Variants in RBFOX1 observed in about 807,000 individuals in gnomAD.
RBFOX1 encodes RNA binding fox-1 homolog 1, also known as RNA binding protein fox-1 homolog 1.
Under a neutral mutation model 57.7 loss-of-function variants are expected in RBFOX1, and 8 were observed. The observed-to-expected ratio is 0.14, with a 90% CI of 0.08 to 0.25. The LOEUF is 0.25. RBFOX1 is among the 10% of genes least tolerant of loss of function. RBFOX1 has a pLI of 1.00. For missense variants in RBFOX1, 611 were observed against 548.5 expected (o/e 1.11, Z -1.14); for synonymous variants, 326 against 222.4 (o/e 1.47, Z -4.15).
intron 4 of RBFOX1, among the ~76,000 whole-genome samples, chr16:5,953,509 G>A (rs891930540): frequency 5.3e-5 from 8 of 151,736 alleles, no homozygotes; most frequent in East Asian, 1.9e-4. Flanking sequence ...CTTTCCCCCC[G>A]AGTCCCCAAA....
chr16:5,603,876 A>G (rs2047458294), downstream of RBFOX1, among the ~76,000 whole-genome samples: 1 of 152,212 alleles, frequency 6.6e-6, no homozygotes, highest in Admixed American at 6.5e-5. Context: ...GATGCTGTCC[A>G]GCGTAAGAAC....
At chr16:7,102,083 A>T (rs1339655094) in intron 4 of RBFOX1, among the ~76,000 whole-genome samples, 1 of 152,060 alleles carries the variant, frequency 6.6e-6, no homozygotes, top group African/African-American at 2.4e-5. Flanking sequence ...TGCTTTTTCT[A>T]ACTCACAACC....
chr16:7,138,574 C>A (rs1290292047), intron 4 of RBFOX1, among the ~76,000 whole-genome samples: 3 of 152,156 alleles, frequency 2.0e-5, no homozygotes, highest in Non-Finnish European at 2.9e-5. Flanking sequence ...TTATCCTCAT[C>A]CCCACTTTTC....
chr16:6,498,643 C>T (rs1162760117), intron 2 of RBFOX1, among the ~76,000 whole-genome samples: 1 of 152,024 alleles, frequency 6.6e-6, no homozygotes, highest in Non-Finnish European at 1.5e-5. Context: ...CAATGTCTGC[C>T]CATATTAAGG....
At chr16:6,743,135 T>C (rs979193743) in intron 3 of RBFOX1, among the ~76,000 whole-genome samples, 4 of 152,214 alleles carry the variant, frequency 2.6e-5, no homozygotes, top group Non-Finnish European at 4.4e-5. Context: ...ATTTGCCTTT[T>C]ATAGTGTTAC....
chr16:7,446,608 G>A (rs912611883), intron 4 of RBFOX1, among the ~76,000 whole-genome samples: 3 of 151,992 alleles, frequency 2.0e-5, no homozygotes, highest in African/African-American at 7.3e-5. Flanking sequence ...TCTCTTTCAA[G>A]ATCAGATCAA....
At chr16:5,853,833 G>T (rs2056957686) in intron 3 of RBFOX1, among the ~76,000 whole-genome samples, 1 of 152,108 alleles carries the variant, frequency 6.6e-6, no homozygotes, top group Non-Finnish European at 1.5e-5. Context: ...ATAACTCACT[G>T]CAGCCTTGAA....
In RBFOX1 at chr16:5,946,836, T is replaced by A. The variant is rs1271301823; in HGVS notation, c.351+79501T>A. On this transcript the variant is annotated intron_variant, in intron 4 of 19. Transcript: ENST00000641259. The surrounding 1 kb of genome is among the most constrained non-coding windows in gnomAD (Gnocchi z 4.6). The stretch of plus-strand genomic sequence containing the variant: ...CACCCAGTTGGTGATGGCAGAGATT[T>A]GGAGCATTGCTTGGTGTGAAATAAA... 6.6e-6 allele frequency among the ~76,000 whole-genome samples: 1 copy of A among 152,186 alleles called. No homozygotes were observed. The highest frequency in any genetic ancestry group is 1.9e-4 in the East Asian group (1 of 5,184).
At chr16:5,839,882 A>C (rs1296700555) in intron 3 of RBFOX1, among the ~76,000 whole-genome samples, 1 of 152,216 alleles carries the variant, frequency 6.6e-6, no homozygotes, top group Non-Finnish European at 1.5e-5. Context: ...ATTGACTAGA[A>C]TCAGTCTCGT....
At chr16:6,511,374 A>G (rs2096252214) in intron 2 of RBFOX1, among the ~76,000 whole-genome samples, 1 of 152,180 alleles carries the variant, frequency 6.6e-6, no homozygotes, top group African/African-American at 2.4e-5. Context: ...GCAGAAATGA[A>G]TCCCTCTTGG....
chr16:5,804,267 T>TG (rs981558449), intron 3 of RBFOX1, among the ~76,000 whole-genome samples: 6 of 152,150 alleles, frequency 3.9e-5, no homozygotes, highest in Non-Finnish European at 7.3e-5. Flanking sequence ...GGTGGATAGA[T>TG]GGGGGTGAGA....
At chr16:5,677,640 C>T (rs1351575857) in intron 3 of RBFOX1, among the ~76,000 whole-genome samples, 1 of 152,186 alleles carries the variant, frequency 6.6e-6, no homozygotes, top group South Asian at 2.1e-4. Flanking sequence ...GGCATATTCC[C>T]TGCGCTCATG....
At chr16:6,789,986 G>A (rs1386807737) in intron 3 of RBFOX1, among the ~76,000 whole-genome samples, 1 of 151,074 alleles carries the variant, frequency 6.6e-6, no homozygotes, top group Non-Finnish European at 1.5e-5. Flanking sequence ...GGTTTCTTAC[G>A]TTTATGAATC....
rs13339480 is a variant in RBFOX1 at position 6,513,806 on chromosome 16, C to T, written c.-63-140797C>T. Among the ~76,000 whole-genome samples the T allele has an allele frequency of 3.4e-3, 516 of 152,222 alleles. 1 individual carries two copies. Among genetic ancestry groups the T allele is most frequent in the African/African-American group, 0.012 (500 of 41,540 alleles). On this transcript the variant is annotated intron_variant, in intron 2 of 15. Transcript: ENST00000550418. ...CATCATTGTCTTGTTTCTGTGGCCA[C>T]TGCAGAGCCAATCAGTTCAAGCGAG...
At chr16:6,258,819 C>G (rs1455436191) in intron 1 of RBFOX1, among the ~76,000 whole-genome samples, 1 of 152,152 alleles carries the variant, frequency 6.6e-6, no homozygotes, top group African/African-American at 2.4e-5. Flanking sequence ...CCCCATTTTA[C>G]ATGACGTGAT....
rs115354483 is a variant in RBFOX1, at chr16:5,471,133, C to A, written c.258+3879C>A. ...GCAGGCGTGAGCCACTGTGCCCGGT[C>A]TGATTGATTACTTTTAAAAACTCAT... On this transcript the variant is annotated intron_variant, in intron 2 of 2. Coordinates refer to the RBFOX1 transcript ENST00000585867. Among the ~76,000 whole-genome samples, 958 of 152,308 alleles carry A rather than the reference C, an allele frequency of 6.3e-3. 9 individuals carry two copies. The highest frequency in any genetic ancestry group is 0.022 in the African/African-American group (916 of 41,566).
chr16:6,948,591 A>G (rs1342962239), intron 3 of RBFOX1, among the ~76,000 whole-genome samples: 2 of 151,820 alleles, frequency 1.3e-5, no homozygotes, highest in African/African-American at 4.8e-5. Context: ...CATGTTGGCC[A>G]GACTGGTCTT....
chr16:5,418,916 G>A (rs1349484441), intron 1 of RBFOX1, among the ~76,000 whole-genome samples: 2 of 152,194 alleles, frequency 1.3e-5, no homozygotes, highest in South Asian at 2.1e-4. Context: ...AATGCAGGAA[G>A]GGTGGTGCCC....
At chr16:6,942,788 A>G (rs1301685915) in intron 3 of RBFOX1, among the ~76,000 whole-genome samples, 1 of 152,150 alleles carries the variant, frequency 6.6e-6, no homozygotes, top group Non-Finnish European at 1.5e-5. Flanking sequence ...TGGTTTTTAT[A>G]TATTGTCTCC....
Sources: allele counts gnomAD v4.1 joint callset (sites outside exome capture counted in the v4.1 genomes callset), GRCh38; gene constraint gnomAD v4.1.1; non-coding constraint Gnocchi (gnomAD v3.1); transcripts MANE v1.5; gene names NCBI Gene and HGNC (gene_info 2026-07-23, HGNC 2026-07-21).